Variants in ITPR1 observed in about 807,000 individuals in gnomAD.
ITPR1 encodes inositol 1,4,5-trisphosphate-gated calcium channel ITPR1.
A neutral mutation model predicts 318.4 loss-of-function variants in ITPR1; 96 were observed. That is an observed-to-expected ratio of 0.30 (90% confidence interval 0.26 to 0.36). The LOEUF (loss-of-function observed/expected upper bound fraction) is 0.36. ITPR1 is among the 10% of genes least tolerant of loss of function. The pLI is 1.00. For synonymous variants in ITPR1, 1,312 were observed against 1,289.9 expected, an observed-to-expected ratio of 1.02 and a Z score of -0.37; for missense variants, 2,440 against 3,460.2, an observed-to-expected ratio of 0.71 and a Z score of 7.40.
chr3:4,662,067 C>T lies in ITPR1; in HGVS notation c.1252-15C>T, dbSNP rs1415793244. On this transcript the variant is annotated splice_polypyrimidine_tract_variant and intron_variant, in intron 14 of 61. Transcript: ENST00000649015. ...ATCCAAGAGATTATCTCACAAGGACCACCTTGAATTTCAGATTGGCACCTC... is the reference window on the plus strand; with the variant it reads ...ATCCAAGAGATTATCTCACAAGGACTACCTTGAATTTCAGATTGGCACCTC... 1.1e-5 allele frequency: 17 copies of T among 1,609,718 alleles called. No homozygotes were observed. Among genetic ancestry groups the T allele is most frequent in the Non-Finnish European group, 1.4e-5 (16 of 1,176,850 alleles).
intron 4 of ITPR1, among the ~76,000 whole-genome samples, chr3:4,604,097 G>A (rs189071068): frequency 8.5e-5 from 13 of 152,236 alleles, no homozygotes; most frequent in East Asian, 3.9e-4. Context: ...GATGTTGAGC[G>A]TTTTTTCCTG....
chr3:4,671,264 T>A (rs563139673), intron 20 of ITPR1, among the ~76,000 whole-genome samples: 17 of 152,170 alleles, frequency 1.1e-4, no homozygotes, highest in Non-Finnish European at 1.9e-4. Context: ...TTTTTGACAT[T>A]GGCCAAGTTT....
chr3:4,696,615 T>C (rs189965258), intron 33 of ITPR1, among the ~76,000 whole-genome samples: 1 of 152,130 alleles, frequency 6.6e-6, no homozygotes, highest in East Asian at 1.9e-4. Flanking sequence ...TCATTAACCA[T>C]AGTGGTTTTA....
Position 4,662,131 on chromosome 3 carries a change from C to A in ITPR1, c.1301C>A (p.Pro434Gln). The A allele has an allele frequency of 6.2e-7, 1 of 1,613,748 alleles. No individual in the cohort carries two copies. The highest frequency in any genetic ancestry group is 8.5e-7 in the Non-Finnish European group (1 of 1,179,696). The part of the protein sequence containing the change: ...KEDKEAFAIV[P>Q]VSPAEVRDLD... The stretch of plus-strand genomic sequence containing the variant: ...GATAAGGAAGCATTTGCCATAGTTC[C>A]GGTTTCTCCTGCTGAAGTTCGGGAC... Residue 434 changes from proline (P) to glutamine (Q), a missense_variant, in exon 15 of 62, where the codon CCG (proline) becomes CAG (glutamine). Pro to Gln is a moderately conservative substitution (Grantham distance 76, BLOSUM62 -1). This residue lies in a region of ITPR1 where 3 missense variants were observed against 20.3 expected (regional missense o/e 0.15). Transcript: ENST00000649015.
chr3:4,800,927 AG>A (rs766865972), intron 54 of ITPR1, among the ~76,000 whole-genome samples: 61 of 152,356 alleles, frequency 4.0e-4, no homozygotes, highest in Middle Eastern at 3.4e-3. Context: ...TTGTTGGGAC[AG>A]AAGATTTTAG....
intron 4 of ITPR1, among the ~76,000 whole-genome samples, chr3:4,529,905 T>C (rs542906943): frequency 6.6e-6 from 1 of 152,278 alleles, no homozygotes; most frequent in South Asian, 2.1e-4. Flanking sequence ...GAAACTGACA[T>C]GTAAGATGTT....
Position 4,691,210 on chromosome 3 carries a change from G to A in ITPR1, c.3895G>A (p.Glu1299Lys). ...NNFQLCSEINERVVQHFVHCI... is the reference protein window; with the variant it reads ...NNFQLCSEINKRVVQHFVHCI... ...TTTCCAGCTTTGCAGTGAGATCAAC[G>A]AGAGAGTTGTTCAGCACTTCGTTCA... is the stretch of plus-strand genomic sequence containing the variant. The change falls in exon 32 of 62, where the codon GAG becomes AAG. Residue 1299 changes from glutamate to lysine, a missense_variant. Coordinates refer to ENST00000649015, the MANE Select transcript of ITPR1 (RefSeq NM_001378452.1). The A allele has an allele frequency of 1.2e-6, 2 of 1,613,242 alleles. No individual in the cohort carries two copies. Among genetic ancestry groups the A allele is most frequent in the Non-Finnish European group, 1.7e-6 (2 of 1,179,446 alleles).
intron 53 of ITPR1, chr3:4,800,196 A>G (rs1559917738): frequency 3.8e-6 from 2 of 528,796 alleles, no homozygotes; most frequent in Non-Finnish European, 6.6e-6. Context: ...AAGACCTGAG[A>G]TGAATGAGAA....
intron 44 of ITPR1, among the ~76,000 whole-genome samples, chr3:4,763,891 T>C (rs2045631389): frequency 6.6e-6 from 1 of 152,260 alleles, no homozygotes; most frequent in Non-Finnish European, 1.5e-5. Flanking sequence ...AGATAACAGA[T>C]GGCGGGCTTT....
intron 2 of ITPR1, among the ~76,000 whole-genome samples, chr3:4,516,022 C>T (rs1466161758): frequency 2.0e-5 from 3 of 152,198 alleles, no homozygotes; most frequent in African/African-American, 7.2e-5. Flanking sequence ...GCACTGTGGC[C>T]TTGCCAGAAG....
At chr3:4,545,491 C>T (rs2084886910) in intron 4 of ITPR1, among the ~76,000 whole-genome samples, 1 of 151,912 alleles carries the variant, frequency 6.6e-6, no homozygotes, top group Non-Finnish European at 1.5e-5. Flanking sequence ...GGCTTGGTGG[C>T]ACATGCCTGT....
intron 40 of ITPR1, among the ~76,000 whole-genome samples, 183 bp from the exon 41 acceptor site, chr3:4,725,363 T>C (rs2042435516): frequency 6.6e-6 from 1 of 152,068 alleles, no homozygotes; most frequent in Non-Finnish European, 1.5e-5. Flanking sequence ...CACATTCAGT[T>C]TGATTTGAAG....
At chr3:4,634,365 C>G (rs1023548916) in intron 5 of ITPR1, among the ~76,000 whole-genome samples, 1 of 152,064 alleles carries the variant, frequency 6.6e-6, no homozygotes, top group Non-Finnish European at 1.5e-5. Context: ...GCACACACCA[C>G]CATGCCTGGC....
At chr3:4,733,618 G>C (rs2043081524) in intron 43 of ITPR1, among the ~76,000 whole-genome samples, 1 of 152,154 alleles carries the variant, frequency 6.6e-6, no homozygotes, top group Non-Finnish European at 1.5e-5. Flanking sequence ...CTGAATGCCA[G>C]GGGCTTTCCT....
intron 4 of ITPR1, among the ~76,000 whole-genome samples, chr3:4,581,197 G>A (rs1033556620): frequency 1.3e-5 from 2 of 152,182 alleles, no homozygotes; most frequent in African/African-American, 4.8e-5. Context: ...TGTTTTTGCC[G>A]AGGCAGCATC....
chr3:4,588,622 A>C (rs2090125533), intron 4 of ITPR1, among the ~76,000 whole-genome samples: 1 of 152,034 alleles, frequency 6.6e-6, no homozygotes, highest in African/African-American at 2.4e-5. Context: ...CTTGAGGTTA[A>C]ATGTGCTGAT....
In ITPR1 at chr3:4,775,352, C is replaced by T; in HGVS notation, c.6090C>T (p.Gly2030=). Residue 2030 remains glycine, a synonymous_variant, in exon 47 of 62, where the codon GGC becomes GGT. Coordinates refer to ENST00000649015, the MANE Select transcript of ITPR1 (RefSeq NM_001378452.1). ...CAACTGGAGGCCTTGGTCTTCTGGGCTTGTATATAAATGAAAAGAATGTAG... is the reference window on the plus strand; with the variant it reads ...CAACTGGAGGCCTTGGTCTTCTGGGTTTGTATATAAATGAAAAGAATGTAG... ...GSTTGGLGLL[G]LYINEKNVAL... The T allele has an allele frequency of 1.2e-6, 2 of 1,613,410 alleles. No individual in the cohort carries two copies. The highest frequency in any genetic ancestry group is 2.2e-5 in the South Asian group (2 of 91,072).
intron 30 of ITPR1, among the ~76,000 whole-genome samples, chr3:4,686,537 A>C (rs1320522290): frequency 1.3e-5 from 2 of 152,220 alleles, no homozygotes; most frequent in Non-Finnish European, 2.9e-5. Flanking sequence ...CCCTAATGAG[A>C]GTTATGCCTT....
At chr3:4,615,996 G>T (rs112912878) in intron 4 of ITPR1, among the ~76,000 whole-genome samples, 1,655 of 152,294 alleles carry the variant, frequency 0.011, 16 homozygotes, top group Non-Finnish European at 0.018. Flanking sequence ...TTGCAGATGG[G>T]TAATGGGAGG....
Sources: gnomAD v4.1 joint callset for allele counts (sites outside exome capture counted in the v4.1 genomes callset) on GRCh38, gnomAD v4.1.1 for gene constraint, gnomAD v4.1.1 regional missense constraint, MANE v1.5 for transcripts, NCBI Gene and HGNC (gene_info 2026-07-23, HGNC 2026-07-21) for gene names.